Variants in SAMD5 observed in about 807,000 individuals in gnomAD.
SAMD5 encodes sterile alpha motif domain-containing protein 5.
SAMD5 carries 13 observed loss-of-function variants against 11.3 expected under a neutral mutation model. The observed-to-expected ratio is 1.15, with a 90% CI of 0.75 to 1.83. The LOEUF is 1.83. Ranked by LOEUF, SAMD5 falls within the 40% of genes most tolerant of loss-of-function variation. The pLI is 0.00. For missense variants in SAMD5, 255 were observed against 239.1 expected (o/e 1.07, Z -0.44); for synonymous variants, 129 against 111.3 (o/e 1.16, Z -1.00).
chr6:147,525,502 T>A (rs1393164963), intron 1 of SAMD5, among the ~76,000 whole-genome samples: 1 of 151,890 alleles, frequency 6.6e-6, no homozygotes, highest in Non-Finnish European at 1.5e-5. Context: ...TAAACTCTAT[T>A]AATTGATATC....
downstream of SAMD5, among the ~76,000 whole-genome samples, chr6:147,573,447 G>A (rs1056325051): frequency 4.9e-4 from 75 of 152,300 alleles, no homozygotes; most frequent in African/African-American, 1.8e-3. Flanking sequence ...AATGAGAACA[G>A]CATCAGGGAA....
chr6:147,897,266 G>T, the SAMD5 span, among the ~76,000 whole-genome samples: 1 of 152,124 alleles, frequency 6.6e-6, no homozygotes, highest in Non-Finnish European at 1.5e-5. Flanking sequence ...CTAGAGGGGG[G>T]AAAAGATAAC....
At chr6:147,894,800 T>C in the SAMD5 span, among the ~76,000 whole-genome samples, 2 of 152,164 alleles carry the variant, frequency 1.3e-5, no homozygotes, top group South Asian at 4.1e-4. Context: ...ATTTTACCAA[T>C]GAAGTAACTG....
chr6:147,890,648 T>G, the SAMD5 span, among the ~76,000 whole-genome samples: 10 of 152,232 alleles, frequency 6.6e-5, no homozygotes, highest in South Asian at 2.1e-3. Flanking sequence ...CTTGAGCCAC[T>G]GTGCCAGGCC....
At chr6:147,903,946 T>G in the SAMD5 span, among the ~76,000 whole-genome samples, 1 of 152,112 alleles carries the variant, frequency 6.6e-6, no homozygotes, top group Non-Finnish European at 1.5e-5. Flanking sequence ...TCACTTAATA[T>G]TCTAACAGGC....
intron 1 of SAMD5, among the ~76,000 whole-genome samples, chr6:147,511,898 G>A (rs1788096415): frequency 6.6e-6 from 1 of 152,136 alleles, no homozygotes; most frequent in African/African-American, 2.4e-5. Context: ...TTTCTTGTGT[G>A]ATCCACATTC....
At chr6:147,856,192 G>A in the SAMD5 span, among the ~76,000 whole-genome samples, 3 of 152,144 alleles carry the variant, frequency 2.0e-5, no homozygotes, top group Non-Finnish European at 4.4e-5. Flanking sequence ...TGAGCATATT[G>A]TAAAATTTTA....
the SAMD5 span, among the ~76,000 whole-genome samples, chr6:147,748,482 G>T: frequency 6.6e-6 from 1 of 152,176 alleles, no homozygotes; most frequent in East Asian, 1.9e-4. Flanking sequence ...CAGTACATGG[G>T]TGGTAAGTAC....
chr6:147,699,838 A>T (rs763225512), intron 1 of SAMD5, among the ~76,000 whole-genome samples: 6 of 152,240 alleles, frequency 3.9e-5, no homozygotes, highest in Non-Finnish European at 8.8e-5. Context: ...GTTTGAGGTT[A>T]GGAGAAGCGA....
the SAMD5 span, among the ~76,000 whole-genome samples, chr6:147,832,337 G>A: frequency 6.6e-6 from 1 of 152,022 alleles, no homozygotes; most frequent in Non-Finnish European, 1.5e-5. Flanking sequence ...ACTGATATTT[G>A]TTTCCTTTTA....
At chr6:147,856,325 A>G in the SAMD5 span, among the ~76,000 whole-genome samples, 1 of 152,144 alleles carries the variant, frequency 6.6e-6, no homozygotes, top group Non-Finnish European at 1.5e-5. Flanking sequence ...ATGACAAAGG[A>G]GAATGATGAA....
the SAMD5 span, among the ~76,000 whole-genome samples, chr6:147,848,366 C>A: frequency 6.6e-6 from 1 of 152,136 alleles, no homozygotes; most frequent in African/African-American, 2.4e-5. Flanking sequence ...AATCTTGGGT[C>A]TCTCAATGTT....
chr6:147,938,593 G>A, the SAMD5 span, among the ~76,000 whole-genome samples: 1 of 152,170 alleles, frequency 6.6e-6, no homozygotes, highest in Non-Finnish European at 1.5e-5. Context: ...ACAAGGGAAG[G>A]CCTTGACAGC....
intron 1 of SAMD5, among the ~76,000 whole-genome samples, chr6:147,531,658 G>A (rs891722686): frequency 1.3e-5 from 2 of 152,148 alleles, no homozygotes; most frequent in Middle Eastern, 3.2e-3. Context: ...GCAACTGTAG[G>A]ATGGCTTCCC....
At chr6:147,793,015 C>G in the SAMD5 span, among the ~76,000 whole-genome samples, 2 of 152,094 alleles carry the variant, frequency 1.3e-5, no homozygotes, top group Admixed American at 1.3e-4. Flanking sequence ...CAAAATAGAG[C>G]ATATATCCCC....
intron 1 of SAMD5, among the ~76,000 whole-genome samples, chr6:147,609,482 C>T (rs545971167): frequency 6.6e-6 from 1 of 152,290 alleles, no homozygotes; most frequent in African/African-American, 2.4e-5. Flanking sequence ...CAGAAAACTA[C>T]TGCACTCCCT....
intron 1 of SAMD5, among the ~76,000 whole-genome samples, chr6:147,557,013 G>C (rs1370026281): frequency 6.6e-6 from 1 of 152,174 alleles, no homozygotes; most frequent in Non-Finnish European, 1.5e-5. Flanking sequence ...TTTTGATGCT[G>C]TAACCAATAG....
At chr6:147,542,207 GAGTCCCC>G (rs1019015493) in intron 1 of SAMD5, among the ~76,000 whole-genome samples, 1 of 152,180 alleles carries the variant, frequency 6.6e-6, no homozygotes, top group African/African-American at 2.4e-5. Context: ...GAGAGTACCA[GAGTCCCC>G]AGTCCCCAGT....
At chr6:147,546,294 C>T (rs982434949) in intron 1 of SAMD5, among the ~76,000 whole-genome samples, 1 of 152,144 alleles carries the variant, frequency 6.6e-6, no homozygotes, top group South Asian at 2.1e-4. Context: ...CTTTGGGAGG[C>T]CAAGGCGGGT....
Sources: allele counts gnomAD v4.1 joint callset (sites outside exome capture counted in the v4.1 genomes callset), GRCh38; gene constraint gnomAD v4.1.1; transcripts MANE v1.5; gene names NCBI Gene and HGNC (gene_info 2026-07-23, HGNC 2026-07-21).